DGKB: variants seen among roughly 807,000 people sequenced by gnomAD.
DGKB encodes 90 kDa diacylglycerol kinase.
DGKB carries 67 observed loss-of-function variants against 114.3 expected under a neutral mutation model. The observed-to-expected ratio is 0.59, with a 90% confidence interval of 0.48 to 0.72. The LOEUF (loss-of-function observed/expected upper bound fraction) is 0.72. DGKB is among the 30% of genes least tolerant of loss of function. The pLI, the probability that DGKB is intolerant of heterozygous loss-of-function variation, is 0.00. For missense variants in DGKB, 907 were observed against 975.2 expected (o/e 0.93, Z 0.93); for synonymous variants, 398 against 323.1 (o/e 1.23, Z -2.49).
intron 9 of DGKB, among the ~76,000 whole-genome samples, chr7:14,686,096 T>C (rs1471134508): frequency 1.3e-5 from 2 of 152,168 alleles, no homozygotes; most frequent in Non-Finnish European, 1.5e-5. Context: ...TGTATTAATA[T>C]TTTTATTTAT....
chr7:14,726,888 T>C (rs1830108481), intron 5 of DGKB, among the ~76,000 whole-genome samples: 1 of 152,222 alleles, frequency 6.6e-6, no homozygotes. Context: ...GGATAAAGCA[T>C]GGAACAAAGC....
chr7:14,899,378 TATA>T (rs1347432779), intron 1 of DGKB, among the ~76,000 whole-genome samples: 4 of 152,134 alleles, frequency 2.6e-5, no homozygotes, highest in Admixed American at 6.6e-5. Flanking sequence ...ATCTAATTTT[TATA>T]ATAAGACTTT....
intron 23 of DGKB, among the ~76,000 whole-genome samples, chr7:14,232,937 A>C (rs1206636789): frequency 6.6e-6 from 1 of 152,052 alleles, no homozygotes. Flanking sequence ...TCCAATCTCC[A>C]ACAATTTTAA....
intron 21 of DGKB, among the ~76,000 whole-genome samples, chr7:14,394,803 C>T (rs571142492): frequency 2.0e-5 from 3 of 152,044 alleles, no homozygotes; most frequent in Non-Finnish European, 4.4e-5. Context: ...GCATATTGTT[C>T]TCTTCTTCCT....
At chr7:14,384,360 G>A in intron 21 of DGKB, among the ~76,000 whole-genome samples, 1 of 152,104 alleles carries the variant, frequency 6.6e-6, no homozygotes, top group East Asian at 1.9e-4. Context: ...TGTAAATAAA[G>A]TTTTTTTGAA....
At chr7:14,314,581 A>T (rs1324488720) in intron 23 of DGKB, among the ~76,000 whole-genome samples, 1 of 152,106 alleles carries the variant, frequency 6.6e-6, no homozygotes, top group South Asian at 2.1e-4. Flanking sequence ...AAGTTTAGAG[A>T]AAAAAGAATA....
chr7:14,937,325 A>G (rs777348874), intron 1 of DGKB, among the ~76,000 whole-genome samples: 10 of 152,082 alleles, frequency 6.6e-5, no homozygotes, highest in Non-Finnish European at 1.5e-4. Context: ...CCTTTCAAAG[A>G]AAGGAGACAA....
chr7:14,319,881 C>T (rs1807406184), intron 23 of DGKB, among the ~76,000 whole-genome samples: 1 of 152,162 alleles, frequency 6.6e-6, no homozygotes, highest in African/African-American at 2.4e-5. Context: ...ATAAGTTCAT[C>T]CACAAGCATC....
intron 1 of DGKB, among the ~76,000 whole-genome samples, chr7:14,852,487 C>CAAAAAAAAAAAAACAAACAAAA: frequency 6.3e-5 from 4 of 63,636 alleles, no homozygotes; most frequent in Non-Finnish European, 8.9e-5. Flanking sequence ...TAGTGAAAGT[C>CAAAAAAAAAAAAACAAACAAAA]AAAAAAAAAA....
At chr7:14,387,881 CTTTTT>C (rs11448628) in intron 21 of DGKB, among the ~76,000 whole-genome samples, 17 of 117,868 alleles carry the variant, frequency 1.4e-4, no homozygotes, top group East Asian at 2.7e-4. Flanking sequence ...GTGTCCTTTT[CTTTTT>C]TTTTTTTTTT....
At chr7:14,670,269 T>C (rs1018704920) in intron 13 of DGKB, among the ~76,000 whole-genome samples, 35 of 149,886 alleles carry the variant, frequency 2.3e-4, no homozygotes, top group African/African-American at 8.4e-4. Context: ...TTGGCAGATT[T>C]TCAGTATGTT....
At chr7:14,500,096 A>G (rs1191747458) in intron 20 of DGKB, among the ~76,000 whole-genome samples, 3 of 151,854 alleles carry the variant, frequency 2.0e-5, no homozygotes, top group Admixed American at 2.0e-4. Flanking sequence ...ACATATTTTT[A>G]TGTTCCCTAA....
chr7:14,594,335 G>T (rs1802189241), intron 17 of DGKB, among the ~76,000 whole-genome samples: 1 of 151,806 alleles, frequency 6.6e-6, no homozygotes, highest in South Asian at 2.1e-4. Flanking sequence ...AGTTATGTGT[G>T]TACTGATATG....
chr7:14,604,525 C>T (rs77795799), intron 17 of DGKB, among the ~76,000 whole-genome samples: 8,609 of 152,094 alleles, frequency 0.057, 834 homozygotes, highest in African/African-American at 0.2. Flanking sequence ...GCATACTATA[C>T]TTTCAAGAGT....
chr7:14,939,864 C>T (rs1396603609), intron 1 of DGKB, among the ~76,000 whole-genome samples: 10 of 152,116 alleles, frequency 6.6e-5, no homozygotes, highest in African/African-American at 1.4e-4. Context: ...CCACCCGCCT[C>T]GGCCTCCCAA....
In DGKB at chr7:14,321,229, T is replaced by G. The variant is rs140071164; in HGVS notation, c.2122+17286A>C. Among the ~76,000 whole-genome samples, 762 of 152,248 alleles carry G rather than the reference T, an allele frequency of 5.0e-3. 8 individuals are homozygous for G. The highest frequency in any genetic ancestry group is 0.018 in the African/African-American group (731 of 41,536). Reference sequence around the variant, plus strand: ...TCTCTTGAGCCCAGGAGGCAGAGGCTGCAGTAAGCCAGTATCACATCACTG... The same window carrying G: ...TCTCTTGAGCCCAGGAGGCAGAGGCGGCAGTAAGCCAGTATCACATCACTG... On this transcript the variant is annotated intron_variant, in intron 23 of 25. Coordinates refer to ENST00000402815, the MANE Select transcript of DGKB (RefSeq NM_001350709.2).
intron 3 of DGKB, among the ~76,000 whole-genome samples, chr7:14,755,220 T>G (rs1834694419): frequency 6.6e-6 from 1 of 152,122 alleles, no homozygotes; most frequent in African/African-American, 2.4e-5. Flanking sequence ...AGTAAATGAT[T>G]CATTCACATA....
At chr7:14,765,473 G>A (rs17168410) in intron 2 of DGKB, among the ~76,000 whole-genome samples, 2,890 of 151,794 alleles carry the variant, frequency 0.019, 67 homozygotes, top group African/African-American at 0.061. Context: ...ATTTATTATC[G>A]TTGTTAATCC....
At chr7:14,599,910 A>C (rs1803244253) in intron 17 of DGKB, among the ~76,000 whole-genome samples, 1 of 152,172 alleles carries the variant, frequency 6.6e-6, no homozygotes, top group South Asian at 2.1e-4. Context: ...GAGGATATTT[A>C]AGTAAAATAT....
Sources: gnomAD v4.1 joint callset for allele counts (sites outside exome capture counted in the v4.1 genomes callset) on GRCh38, gnomAD v4.1.1 for gene constraint, MANE v1.5 for transcripts, NCBI Gene and HGNC (gene_info 2026-07-23, HGNC 2026-07-21) for gene names.